Variants in EYS observed in about 807,000 individuals in gnomAD.
EYS encodes EGF-like photoreceptor maintenance factor.
A neutral mutation model predicts 282.1 loss-of-function variants in EYS; 250 were observed. That is an observed-to-expected ratio of 0.89 (90% CI 0.80 to 0.98). EYS has a LOEUF of 0.98. Among genes scored for constraint, EYS ranks in the 50% least tolerant of loss-of-function variants. EYS has a pLI of 0.00. For synonymous variants in EYS, 1,355 were observed against 1,282.9 expected (o/e 1.06, Z -1.20); for missense variants, 4,016 against 3,709.0 (o/e 1.08, Z -2.15).
chr6:64,030,126 A>T (rs888598611), intron 33 of EYS, among the ~76,000 whole-genome samples: 1 of 152,186 alleles, frequency 6.6e-6, no homozygotes, highest in Non-Finnish European at 1.5e-5. Flanking sequence ...AGAGAGGAAG[A>T]GACAGAGAGA....
At chr6:65,587,040 A>T (rs2127364966) in intron 2 of EYS, among the ~76,000 whole-genome samples, 1 of 152,176 alleles carries the variant, frequency 6.6e-6, no homozygotes, top group South Asian at 2.1e-4. Flanking sequence ...AATATAAAAT[A>T]TCTTGAAGTA....
chr6:64,822,550 C>T (rs2150022571), intron 20 of EYS, 101 bp downstream of exon 20: 1 of 1,001,308 alleles, frequency 1.0e-6, no homozygotes, highest in Non-Finnish European at 1.4e-6. Context: ...TATGAAAGAG[C>T]ATAATTAAAA....
intron 40 of EYS, among the ~76,000 whole-genome samples, chr6:63,774,973 C>T (rs114752003): frequency 0.012 from 1,833 of 148,214 alleles, 29 homozygotes; most frequent in African/African-American, 0.043. Flanking sequence ...TTTTGTTTTT[C>T]ACTTAAAAAT....
chr6:65,661,910 C>T (rs554793874), intron 1 of EYS, among the ~76,000 whole-genome samples: 2 of 152,032 alleles, frequency 1.3e-5, no homozygotes, highest in African/African-American at 4.8e-5. Flanking sequence ...CAGGATCTTT[C>T]TGTGTCAGTT....
At chr6:64,341,261 A>T (rs1303778390) in intron 29 of EYS, among the ~76,000 whole-genome samples, 2 of 151,742 alleles carry the variant, frequency 1.3e-5, no homozygotes, top group Non-Finnish European at 3.0e-5. Context: ...TCATATGTTC[A>T]TTGTCACAAT....
chr6:64,970,048 T>C (rs1275110777), intron 14 of EYS, among the ~76,000 whole-genome samples: 2 of 152,144 alleles, frequency 1.3e-5, no homozygotes, highest in Admixed American at 1.3e-4. Flanking sequence ...GACACATACA[T>C]TTATAAGCAG....
intron 2 of EYS, among the ~76,000 whole-genome samples, chr6:65,559,677 G>A (rs183046472): frequency 5.7e-4 from 86 of 152,076 alleles, no homozygotes; most frequent in African/African-American, 1.9e-3. Context: ...ACAGTTGAGC[G>A]ATCTTCTGAA....
At chr6:64,160,238 G>C (rs1446365853) in intron 31 of EYS, among the ~76,000 whole-genome samples, 1 of 152,144 alleles carries the variant, frequency 6.6e-6, no homozygotes, top group Non-Finnish European at 1.5e-5. Context: ...AAATTGAACA[G>C]TACCTAAAAT....
Position 65,410,185 on chromosome 6 carries a change from A to G in EYS, c.863-4818T>C, listed in dbSNP as rs572353440. Among the ~76,000 whole-genome samples, 3 of 152,212 alleles carry G rather than the reference A, an allele frequency of 2.0e-5. No individual in the cohort carries two copies. In the South Asian group the frequency reaches 6.2e-4, roughly 32 times the overall value. On this transcript the variant is annotated intron_variant, in intron 5 of 42. Transcript: ENST00000503581. ...AATTCTTGGCATTTCCATAGTGCTT[A>G]CATCCATAAAGATTTGATAAAATTC...
intron 39 of EYS, among the ~76,000 whole-genome samples, chr6:63,779,810 A>G (rs566416225): frequency 6.9e-6 from 1 of 144,170 alleles, no homozygotes; most frequent in Admixed American, 7.1e-5. Flanking sequence ...CAGGTTTGTT[A>G]TACTGTATAC....
chr6:63,753,594 C>T (rs1582172979), intron 41 of EYS, among the ~76,000 whole-genome samples: 1 of 152,046 alleles, frequency 6.6e-6, no homozygotes, highest in African/African-American at 2.4e-5. Context: ...ACCATCAGAT[C>T]TCATGAGAAC....
chr6:64,093,597 T>C (rs1772457920), intron 31 of EYS, among the ~76,000 whole-genome samples: 3 of 152,216 alleles, frequency 2.0e-5, no homozygotes, highest in African/African-American at 4.8e-5. Context: ...TTTTTGCACA[T>C]TGATTTAGTA....
chr6:65,165,943 A>G (rs745440917), intron 12 of EYS, among the ~76,000 whole-genome samples: 1 of 151,158 alleles, frequency 6.6e-6, no homozygotes, highest in African/African-American at 2.4e-5. Flanking sequence ...CATGCAATAA[A>G]CAATCCCTAA....
At chr6:65,330,986 C>G in intron 11 of EYS, 2 of 984,324 alleles carry the variant, frequency 2.0e-6, no homozygotes, top group Non-Finnish European at 2.4e-6. Flanking sequence ...CCCGTATATA[C>G]TCGGGTTGTT....
chr6:65,114,362 AAAAGCAGC>A (rs1775306574), intron 12 of EYS, among the ~76,000 whole-genome samples: 1 of 148,910 alleles, frequency 6.7e-6, no homozygotes, highest in African/African-American at 2.5e-5. Context: ...TGAAAAAAAA[AAAAGCAGC>A]AGCAGCAGCA....
chr6:64,877,648 A>G (rs1583250219), intron 19 of EYS, among the ~76,000 whole-genome samples: 1 of 152,236 alleles, frequency 6.6e-6, no homozygotes, highest in East Asian at 1.9e-4. Context: ...GAGAATAATT[A>G]GTGACCTCCA....
intron 35 of EYS, among the ~76,000 whole-genome samples, chr6:63,913,701 T>C (rs748694359): frequency 6.6e-5 from 10 of 152,262 alleles, no homozygotes; most frequent in Non-Finnish European, 1.3e-4. Flanking sequence ...TCCGTATGTA[T>C]ATACCACATT....
chr6:64,200,669 A>T (rs1411172170), intron 31 of EYS, among the ~76,000 whole-genome samples: 1 of 152,136 alleles, frequency 6.6e-6, no homozygotes, highest in Non-Finnish European at 1.5e-5. Flanking sequence ...AAGCAGAAAA[A>T]TAAGTGGATC....
At chr6:64,899,653 C>T (rs1033931321) in intron 18 of EYS, among the ~76,000 whole-genome samples, 3 of 151,750 alleles carry the variant, frequency 2.0e-5, no homozygotes, top group African/African-American at 4.9e-5. Context: ...GAATAAAATA[C>T]CTAGGAATAC....
Sources: gnomAD v4.1 joint callset for allele counts (sites outside exome capture counted in the v4.1 genomes callset) on GRCh38, gnomAD v4.1.1 for gene constraint, MANE v1.5 for transcripts, NCBI Gene and HGNC (gene_info 2026-07-23, HGNC 2026-07-21) for gene names.